The following IL1RAPL1 variants were observed in gnomAD, a reference collection of about 807,000 sequenced individuals.
IL1RAPL1 encodes the protein interleukin 1 receptor accessory protein like 1.
In IL1RAPL1, 3 loss-of-function variants were observed where a neutral mutation model predicts 48.4. The observed-to-expected ratio is 0.06, with a 90% confidence interval of 0.03 to 0.16. IL1RAPL1 has a LOEUF of 0.16. Ranked by LOEUF, IL1RAPL1 falls within the 10% of genes least tolerant of loss-of-function variation. IL1RAPL1 has a pLI of 1.00. For missense variants in IL1RAPL1, 349 were observed against 530.6 expected (o/e 0.66, Z 3.36); for synonymous variants, 185 against 187.7 (o/e 0.99, Z 0.12).
Position 29,342,058 on chromosome X carries a change from C to T in IL1RAPL1, c.363-54200C>T, listed in dbSNP as rs1309199823. 3.6e-5 allele frequency among the ~76,000 whole-genome samples: 4 copies of T among 110,113 alleles called. No individual in the cohort carries two copies. The East Asian group carries it at 8.6e-4, about 24-fold the overall frequency. ...TCCTGACCTCGTGATCCACCCACCT[C>T]GGCCTCCCAAAGTGCTGGGATTACA... On this transcript the variant is annotated intron_variant, in intron 3 of 10. Coordinates refer to ENST00000378993, the MANE Select transcript of IL1RAPL1 (RefSeq NM_014271.4).
chrX:29,885,367 T>C (rs1420474509), intron 6 of IL1RAPL1, among the ~76,000 whole-genome samples: 1 of 112,156 alleles, frequency 8.9e-6, no homozygotes, highest in Non-Finnish European at 1.9e-5. Context: ...AACTTTTGTC[T>C]GTCTGTCTAC....
intron 1 of IL1RAPL1, among the ~76,000 whole-genome samples, chrX:28,709,526 GA>G (rs1186645310): frequency 9.2e-6 from 1 of 108,977 alleles, no homozygotes; most frequent in Non-Finnish European, 1.9e-5. Context: ...ATCAGAACAG[GA>G]AAAAAAAATG....
At chrX:29,483,692 GT>G (rs34256964) in intron 5 of IL1RAPL1, among the ~76,000 whole-genome samples, 42,230 of 99,586 alleles carry the variant, frequency 0.42, 7,251 homozygotes, top group East Asian at 0.69. Flanking sequence ...AGTAGTAGTA[GT>G]TTTTTTTTTT....
At chrX:29,925,544 T>G (rs1462551538) in intron 8 of IL1RAPL1, among the ~76,000 whole-genome samples, 1 of 105,551 alleles carries the variant, frequency 9.5e-6, no homozygotes, top group Non-Finnish European at 1.9e-5. Context: ...TTATTATTTA[T>G]GTTTATTTTT....
intron 2 of IL1RAPL1, among the ~76,000 whole-genome samples, chrX:29,170,305 A>G (rs962049919): frequency 4.5e-5 from 5 of 111,681 alleles, no homozygotes; most frequent in Non-Finnish European, 7.5e-5. Context: ...TTCTTTATTC[A>G]TTCTTCACAT....
At chrX:28,938,856 G>A (rs1323386845) in intron 2 of IL1RAPL1, among the ~76,000 whole-genome samples, 1 of 110,286 alleles carries the variant, frequency 9.1e-6, no homozygotes, top group Non-Finnish European at 1.9e-5. Flanking sequence ...TTAAAAAGTG[G>A]GCAAGGGCAT....
In IL1RAPL1 at chrX:28,749,775, C is replaced by T. The variant is rs755712470; in HGVS notation, c.-24-39545C>T. 9.1e-5 allele frequency among the ~76,000 whole-genome samples: 10 copies of T among 109,662 alleles called. No homozygotes were observed. In the South Asian group the frequency reaches 1.6e-3, roughly 17 times the overall value. On this transcript the variant is annotated intron_variant, in intron 1 of 10. Coordinates refer to ENST00000378993, the MANE Select transcript of IL1RAPL1 (RefSeq NM_014271.4). ...ATGTAATTCCATTTGTCTATTTTTG[C>T]TTTTGCTGCCTATATTTTTAAGTTC...
At chrX:29,647,125 G>A (rs894338311) in intron 5 of IL1RAPL1, among the ~76,000 whole-genome samples, 3 of 112,172 alleles carry the variant, frequency 2.7e-5, no homozygotes, top group East Asian at 2.8e-4. Context: ...TGAGGTGGGT[G>A]GATCACCTGA....
chrX:29,335,145 C>T (rs12013747), intron 3 of IL1RAPL1, among the ~76,000 whole-genome samples: 3,926 of 95,816 alleles, frequency 0.041, no homozygotes, highest in Middle Eastern at 0.073. Context: ...GGCGTGGCGT[C>T]GCAGGCACTC....
chrX:29,914,102 C>G (rs1932779933), intron 6 of IL1RAPL1, among the ~76,000 whole-genome samples: 1 of 111,084 alleles, frequency 9.0e-6, no homozygotes, highest in African/African-American at 3.3e-5. Context: ...CTAGGTGTCC[C>G]CATAGCACTG....
intron 5 of IL1RAPL1, among the ~76,000 whole-genome samples, chrX:29,615,711 A>G (rs952390318): frequency 8.9e-6 from 1 of 112,304 alleles, no homozygotes; most frequent in Non-Finnish European, 1.9e-5. Context: ...AAAGTTTTTC[A>G]ATCCAAATTA....
intron 6 of IL1RAPL1, among the ~76,000 whole-genome samples, chrX:29,831,543 A>C (rs1601843644): frequency 1.8e-5 from 2 of 112,186 alleles, no homozygotes; most frequent in South Asian, 7.4e-4. Context: ...GAATCAGACT[A>C]TAAGGGTTTT....
At chrX:28,991,123 A>T (rs1448786328) in intron 2 of IL1RAPL1, among the ~76,000 whole-genome samples, 3 of 111,790 alleles carry the variant, frequency 2.7e-5, no homozygotes, top group Admixed American at 9.5e-5. Flanking sequence ...TCAATTTTTG[A>T]ATTTGTTATG....
chrX:29,016,232 C>T (rs991732433), intron 2 of IL1RAPL1, among the ~76,000 whole-genome samples: 2 of 111,095 alleles, frequency 1.8e-5, no homozygotes, highest in Non-Finnish European at 3.8e-5. Context: ...TAGAGGCAGA[C>T]GCATCTCATT....
intron 2 of IL1RAPL1, among the ~76,000 whole-genome samples, chrX:29,194,664 T>C (rs1289795837): frequency 1.8e-5 from 2 of 112,367 alleles, no homozygotes; most frequent in Non-Finnish European, 3.8e-5. Flanking sequence ...AAGACACTGG[T>C]ATTTAATAAA....
chrX:29,689,437 A>G (rs1926718225), intron 6 of IL1RAPL1, among the ~76,000 whole-genome samples: 1 of 112,365 alleles, frequency 8.9e-6, no homozygotes, highest in Admixed American at 9.5e-5. Context: ...CAATGTATTA[A>G]TAAGAAATCA....
intron 6 of IL1RAPL1, among the ~76,000 whole-genome samples, chrX:29,764,759 G>T (rs1305126464): frequency 8.9e-6 from 1 of 112,185 alleles, no homozygotes; most frequent in Non-Finnish European, 1.9e-5. Flanking sequence ...GTAGGCCCCT[G>T]CTCTGAGCTG....
At chrX:29,184,006 A>G (rs981857381) in intron 2 of IL1RAPL1, among the ~76,000 whole-genome samples, 7 of 112,098 alleles carry the variant, frequency 6.2e-5, no homozygotes, top group African/African-American at 2.3e-4. Context: ...CCTTTTTTTA[A>G]AAACAAAACA....
intron 2 of IL1RAPL1, among the ~76,000 whole-genome samples, chrX:29,020,225 A>G (rs1350798032): frequency 8.9e-6 from 1 of 112,636 alleles, no homozygotes; most frequent in Non-Finnish European, 1.9e-5. Flanking sequence ...AAATCAAGAT[A>G]TGAATCTAAT....
Sources: gnomAD v4.1 joint callset for allele counts (sites outside exome capture counted in the v4.1 genomes callset) on GRCh38, gnomAD v4.1.1 for gene constraint, MANE v1.5 for transcripts, NCBI Gene and HGNC (gene_info 2026-07-23, HGNC 2026-07-21) for gene names.